Variants in MAP7 observed in about 807,000 individuals in gnomAD.
MAP7 encodes microtubule associated protein 7.
A neutral mutation model predicts 94.8 loss-of-function variants in MAP7; 52 were observed. The ratio of observed to expected loss-of-function variants is 0.55; its 90% CI spans 0.44 to 0.69. The LOEUF (loss-of-function observed/expected upper bound fraction) is 0.69. MAP7 is among the 30% of genes least tolerant of loss of function. MAP7 has a pLI of 0.00. For synonymous variants in MAP7, 350 were observed against 357.0 expected, an observed-to-expected ratio of 0.98 and a Z score of 0.22; for missense variants, 940 against 964.6, an observed-to-expected ratio of 0.97 and a Z score of 0.34.
At chr6:136,484,318 T>C (rs758493973) in intron 1 of MAP7, among the ~76,000 whole-genome samples, 45 of 152,134 alleles carry the variant, frequency 3.0e-4, no homozygotes, top group African/African-American at 5.8e-4. Context: ...TAGTAAAGTA[T>C]AGTAATTTTG....
intron 1 of MAP7, among the ~76,000 whole-genome samples, chr6:136,429,604 T>C (rs1416804872): frequency 6.6e-6 from 1 of 152,328 alleles, no homozygotes; most frequent in East Asian, 1.9e-4. Flanking sequence ...GAAAAGCACA[T>C]GTTCCATATA....
intron 1 of MAP7, among the ~76,000 whole-genome samples, chr6:136,455,945 C>G (rs1171931795): frequency 1.3e-5 from 2 of 152,166 alleles, no homozygotes; most frequent in Non-Finnish European, 2.9e-5. Flanking sequence ...GAGAAGACAT[C>G]AACTTAAATG....
chr6:136,463,171 T>C (rs921786714), intron 1 of MAP7, among the ~76,000 whole-genome samples: 14 of 152,134 alleles, frequency 9.2e-5, no homozygotes, highest in African/African-American at 3.4e-4. Context: ...TTAAAAGGCA[T>C]ACCATATACA....
At chr6:136,459,248 A>C (rs1804371150) in intron 1 of MAP7, among the ~76,000 whole-genome samples, 1 of 152,100 alleles carries the variant, frequency 6.6e-6, no homozygotes, top group African/African-American at 2.4e-5. Flanking sequence ...ACAACAACAA[A>C]AAAAGATGGC....
At chr6:136,483,143 A>AAAG (rs1363771218) in intron 1 of MAP7, among the ~76,000 whole-genome samples, 25 of 151,528 alleles carry the variant, frequency 1.6e-4, no homozygotes, top group African/African-American at 5.3e-4. Flanking sequence ...AAAAAAAAAA[A>AAAG]AAAAGAAAAG....
chr6:136,370,267 C>A (rs1161666046), intron 8 of MAP7, among the ~76,000 whole-genome samples: 3 of 152,148 alleles, frequency 2.0e-5, no homozygotes, highest in Admixed American at 6.5e-5. Flanking sequence ...AACAAGATCA[C>A]GATTGTTGGC....
At position 136,443,974 on chromosome 6, in the gene MAP7, G is replaced by C. The variant is rs570900243; in HGVS notation, c.68-22175C>G. On this transcript the variant is annotated intron_variant, in intron 1 of 17. Coordinates refer to ENST00000354570, the MANE Select transcript of MAP7 (RefSeq NM_003980.6). ...TTTGTATTAATGCATCATTGTCATA[G>C]GGCACAAATTAATACAGAAAGTCTG... is the stretch of plus-strand genomic sequence containing the variant. Among the ~76,000 whole-genome samples, 4 of 152,270 alleles carry C rather than the reference G, an allele frequency of 2.6e-5. No homozygotes were observed. The South Asian group carries it at 8.3e-4, about 32-fold the overall frequency.
chr6:136,349,450 T>G (rs1398731468), intron 16 of MAP7, among the ~76,000 whole-genome samples: 2 of 152,170 alleles, frequency 1.3e-5, no homozygotes, highest in Non-Finnish European at 2.9e-5. Flanking sequence ...CACGGCTTAC[T>G]GCAGCTTCAA....
chr6:136,413,990 C>T (rs901997079), intron 2 of MAP7, among the ~76,000 whole-genome samples: 2 of 152,010 alleles, frequency 1.3e-5, no homozygotes, highest in Non-Finnish European at 2.9e-5. Context: ...TGGCTCACGC[C>T]TGTAATCCCA....
chr6:136,496,777 T>TAA (rs1171059105), intron 1 of MAP7, among the ~76,000 whole-genome samples: 2,394 of 53,276 alleles, frequency 0.045, 144 homozygotes, highest in African/African-American at 0.12. Context: ...CCGTCTCTAC[T>TAA]AAAAAAAAAA....
chr6:136,397,648 T>A (rs192589078), intron 3 of MAP7, among the ~76,000 whole-genome samples: 97 of 152,250 alleles, frequency 6.4e-4, no homozygotes, highest in Middle Eastern at 6.8e-3. Context: ...AAATACCATG[T>A]GAGGACAAAG....
chr6:136,372,508 C>T lies in MAP7; in HGVS notation c.869G>A (p.Gly290Asp), dbSNP rs1348517914. 1.2e-6 allele frequency: 2 copies of T among 1,614,032 alleles called. No homozygotes were observed. The highest frequency in any genetic ancestry group is 1.1e-5 in the South Asian group (1 of 91,066). The change falls in exon 8 of 18, where the codon GGC becomes GAC. Residue 290 changes from glycine (G) to aspartate (D), a missense_variant. Gly to Asp is a moderately conservative substitution (Grantham distance 94). Coordinates refer to ENST00000354570, the MANE Select transcript of MAP7 (RefSeq NM_003980.6). ...EGSSRRRIIHGTASYKKERER... is the reference protein window; with the variant it reads ...EGSSRRRIIHDTASYKKERER... ...CTCCCAACAGCTACTCACCGCTGTG[C>T]CATGAATGATCCTCCTGCGAGAAGA...
At chr6:136,504,002 A>G (rs1370257068) in intron 1 of MAP7, among the ~76,000 whole-genome samples, 1 of 152,254 alleles carries the variant, frequency 6.6e-6, no homozygotes, top group Non-Finnish European at 1.5e-5. Flanking sequence ...AATAGTAAAT[A>G]AACTGCAGTA....
chr6:136,386,802 A>AT (rs1277427545), intron 5 of MAP7, among the ~76,000 whole-genome samples: 1 of 152,154 alleles, frequency 6.6e-6, no homozygotes, highest in Non-Finnish European at 1.5e-5. Flanking sequence ...ACTTAAACAA[A>AT]TTTTTAATTT....
At chr6:136,386,025 C>T (rs1490100829) in intron 5 of MAP7, among the ~76,000 whole-genome samples, 1 of 152,160 alleles carries the variant, frequency 6.6e-6, no homozygotes, top group African/African-American at 2.4e-5. Context: ...CCCGCCTCAG[C>T]CTCCCAAAGT....
intron 1 of MAP7, among the ~76,000 whole-genome samples, chr6:136,454,378 C>T (rs1450342663): frequency 6.6e-6 from 1 of 151,968 alleles, no homozygotes; most frequent in African/African-American, 2.4e-5. Context: ...GTGATCACAA[C>T]TCCCTGTAGC....
chr6:136,538,798 C>CAAAAAAAAAA (rs397836178), intron 1 of MAP7, among the ~76,000 whole-genome samples: 2 of 65,900 alleles, frequency 3.0e-5, no homozygotes, highest in African/African-American at 1.2e-4. Flanking sequence ...GATTTTGTCT[C>CAAAAAAAAAA]AAAAAAAAAA....
At chr6:136,399,751 T>C (rs1476400885) in intron 3 of MAP7, among the ~76,000 whole-genome samples, 1 of 152,256 alleles carries the variant, frequency 6.6e-6, no homozygotes, top group Non-Finnish European at 1.5e-5. Flanking sequence ...ACATGTCATT[T>C]TCATATTATA....
At chr6:136,372,239 C>T (rs1277519527) in intron 8 of MAP7, among the ~76,000 whole-genome samples, 5 of 152,178 alleles carry the variant, frequency 3.3e-5, no homozygotes, top group Admixed American at 1.3e-4. Context: ...GAGGGTAGGG[C>T]GTCCACTCAT....
Sources: allele counts gnomAD v4.1 joint callset (sites outside exome capture counted in the v4.1 genomes callset), GRCh38; gene constraint gnomAD v4.1.1; transcripts MANE v1.5; gene names NCBI Gene and HGNC (gene_info 2026-07-23, HGNC 2026-07-21).